The following STK32B variants were observed in gnomAD, a reference collection of about 807,000 sequenced individuals.
STK32B encodes the protein serine/threonine-protein kinase 32B.
A neutral mutation model predicts 52.6 loss-of-function variants in STK32B; 43 were observed. The ratio of observed to expected loss-of-function variants is 0.82; its 90% CI spans 0.64 to 1.05. The LOEUF is 1.05. Among genes scored for constraint, STK32B ranks in the 50% least tolerant of loss-of-function variants. The pLI is 0.00. For synonymous variants in STK32B, 238 were observed against 204.3 expected (o/e 1.17, Z -1.41); for missense variants, 621 against 534.6 (o/e 1.16, Z -1.59).
chr4:5,361,481 C>T (rs913987754), intron 4 of STK32B, among the ~76,000 whole-genome samples: 24 of 152,176 alleles, frequency 1.6e-4, no homozygotes, highest in African/African-American at 4.6e-4. Flanking sequence ...AAGCAACACC[C>T]GCACCTCAGC....
intron 2 of STK32B, among the ~76,000 whole-genome samples, chr4:5,146,848 G>A (rs1716952118): frequency 2.0e-5 from 3 of 152,048 alleles, no homozygotes; most frequent in Non-Finnish European, 2.9e-5. Flanking sequence ...TTAAAATCAG[G>A]TAGTATAAGT....
intron 3 of STK32B, among the ~76,000 whole-genome samples, chr4:5,248,784 A>G (rs1725656101): frequency 6.6e-6 from 1 of 152,198 alleles, no homozygotes; most frequent in Admixed American, 6.5e-5. Flanking sequence ...AGGGATATGG[A>G]TGAAGCTGGA....
chr4:5,482,586 C>G (rs140856742), intron 11 of STK32B, among the ~76,000 whole-genome samples: 1,559 of 152,204 alleles, frequency 0.01, 22 homozygotes, highest in African/African-American at 0.035. Context: ...ATTTCTTTAT[C>G]CTGCCTGATT....
chr4:5,197,145 AT>A (rs1721743546), intron 3 of STK32B, among the ~76,000 whole-genome samples: 1 of 152,048 alleles, frequency 6.6e-6, no homozygotes, highest in Non-Finnish European at 1.5e-5. Flanking sequence ...AAGAAGGACA[AT>A]AGGGAGGGAC....
chr4:5,257,665 G>T (rs1417439129), intron 3 of STK32B, among the ~76,000 whole-genome samples: 1 of 152,218 alleles, frequency 6.6e-6, no homozygotes, highest in Admixed American at 6.5e-5. Flanking sequence ...TGGGGGCTGG[G>T]CATGGTGGCT....
intron 4 of STK32B, among the ~76,000 whole-genome samples, chr4:5,381,992 G>T (rs542947875): frequency 2.1e-3 from 317 of 152,316 alleles, no homozygotes; most frequent in African/African-American, 7.5e-3. Context: ...ACTCAGGAAA[G>T]AGCTGATGTT....
At chr4:5,310,080 C>T (rs550801988) in intron 3 of STK32B, among the ~76,000 whole-genome samples, 9 of 152,056 alleles carry the variant, frequency 5.9e-5, no homozygotes, top group Admixed American at 2.0e-4. Context: ...GCAGGAGAAT[C>T]GCTTGAACCC....
intron 3 of STK32B, among the ~76,000 whole-genome samples, chr4:5,194,162 C>G (rs1021443197): frequency 2.0e-5 from 3 of 152,112 alleles, no homozygotes; most frequent in African/African-American, 7.2e-5. Context: ...TTTCTTACTT[C>G]TTTATAGAAA....
chr4:5,224,433 C>A (rs1257623767), intron 3 of STK32B, among the ~76,000 whole-genome samples: 5 of 152,182 alleles, frequency 3.3e-5, no homozygotes, highest in Non-Finnish European at 7.3e-5. Context: ...TCTGGAGACA[C>A]AAGTATAAAT....
chr4:5,322,328 C>T (rs1210764087), intron 3 of STK32B, among the ~76,000 whole-genome samples: 2 of 152,128 alleles, frequency 1.3e-5, no homozygotes, highest in Non-Finnish European at 2.9e-5. Context: ...ATTCTTAGCT[C>T]CTCTCTTGCT....
chr4:5,036,842 AT>A, the STK32B span, among the ~76,000 whole-genome samples: 8 of 151,584 alleles, frequency 5.3e-5, no homozygotes. Flanking sequence ...TAATTTTTGT[AT>A]TTTTAGTAGA....
intron 6 of STK32B, among the ~76,000 whole-genome samples, chr4:5,442,304 TA>T (rs1468978347): frequency 6.6e-6 from 1 of 152,022 alleles, no homozygotes; most frequent in African/African-American, 2.4e-5. Flanking sequence ...TGGTTGCATA[TA>T]TATTTAGAAT....
At chr4:5,438,154 G>T (rs1443845497) in intron 6 of STK32B, 2 of 984,244 alleles carry the variant, frequency 2.0e-6, no homozygotes, top group Non-Finnish European at 2.4e-6. Flanking sequence ...GGAGCTTGTG[G>T]GCTGGCCCAG....
At position 5,462,324 on chromosome 4, in the gene STK32B, G is replaced by C. The variant is rs540697486; in HGVS notation, c.909+2096G>C. Among the ~76,000 whole-genome samples the C allele has an allele frequency of 5.3e-5, 8 of 150,868 alleles. No homozygotes were observed. In the South Asian group the frequency reaches 1.7e-3, roughly 32 times the overall value. On this transcript the variant is annotated intron_variant, in intron 9 of 11. Transcript: ENST00000282908. ...TACCTGCTTGTGTGTCTGTGTGTCT[G>C]TATGTCTATATGTGTCCGTGTGCCT...
At chr4:5,383,276 G>T (rs995176445) in intron 4 of STK32B, among the ~76,000 whole-genome samples, 6 of 152,104 alleles carry the variant, frequency 3.9e-5, no homozygotes, top group African/African-American at 1.4e-4. Context: ...TGATGCTCCT[G>T]CCCTCCCCTG....
chr4:5,449,973 A>G lies in STK32B; in HGVS notation c.666+3197A>G, dbSNP rs1715838317. On this transcript the variant is annotated intron_variant, in intron 7 of 11. Coordinates refer to ENST00000282908, the MANE Select transcript of STK32B (RefSeq NM_018401.3). The stretch of plus-strand genomic sequence containing the variant: ...CAATATCATAATAATAAAGTGTAGA[A>G]TAAATGTAATGCACTTGGATCACCC... Among the ~76,000 whole-genome samples the G allele has an allele frequency of 7.2e-5, 11 of 152,322 alleles. No homozygotes were observed. In the South Asian group the frequency reaches 2.3e-3, roughly 32 times the overall value.
chr4:5,112,704 A>T lies in STK32B; in HGVS notation c.53-27201A>T, dbSNP rs139416691. Among the ~76,000 whole-genome samples, 1,483 of 152,298 alleles carry T rather than the reference A, an allele frequency of 9.7e-3. 15 individuals carry two copies. The highest frequency in any genetic ancestry group is 0.015 in the Non-Finnish European group (1,027 of 68,038). Reference sequence around the variant, plus strand: ...CGCAGTCAAATGGACATGCAAATGAACCATCACAAAGCTAGTACAAGAAAG... The same window carrying T: ...CGCAGTCAAATGGACATGCAAATGATCCATCACAAAGCTAGTACAAGAAAG... On this transcript the variant is annotated intron_variant, in intron 1 of 11. Transcript: ENST00000282908.
chr4:5,408,588 C>T (rs1737827964), intron 5 of STK32B, among the ~76,000 whole-genome samples: 1 of 152,124 alleles, frequency 6.6e-6, no homozygotes, highest in African/African-American at 2.4e-5. Flanking sequence ...AACTAATGCA[C>T]CCTCCTCGTG....
At chr4:5,052,113 C>A (rs943751503) in intron 1 of STK32B, among the ~76,000 whole-genome samples, 198 bp downstream of exon 1, 10 of 152,220 alleles carry the variant, frequency 6.6e-5, no homozygotes, top group Non-Finnish European at 1.2e-4. Flanking sequence ...GTACCCAGTG[C>A]CGTTTAGTAG....
Sources: allele counts gnomAD v4.1 joint callset (sites outside exome capture counted in the v4.1 genomes callset), GRCh38; gene constraint gnomAD v4.1.1; transcripts MANE v1.5; gene names NCBI Gene and HGNC (gene_info 2026-07-23, HGNC 2026-07-21).